Variants in RAP1A observed in about 807,000 individuals in gnomAD.
RAP1A encodes the protein RAP1A, member of RAS oncogene family, also known as ras-related protein Rap-1A.
RAP1A carries 6 observed loss-of-function variants against 26.4 expected under a neutral mutation model. The observed-to-expected ratio is 0.23, with a 90% CI of 0.12 to 0.45. The LOEUF (loss-of-function observed/expected upper bound fraction) is 0.45. Ranked by LOEUF, RAP1A falls within the 20% of genes least tolerant of loss-of-function variation. The pLI is 0.99. For synonymous variants in RAP1A, 73 were observed against 79.4 expected, an observed-to-expected ratio of 0.92 and a Z score of 0.43; for missense variants, 121 against 217.2, an observed-to-expected ratio of 0.56 and a Z score of 2.78.
intron 4 of RAP1A, among the ~76,000 whole-genome samples, chr1:111,699,938 C>T (rs1017974635): frequency 6.6e-6 from 1 of 152,198 alleles, no homozygotes; most frequent in African/African-American, 2.4e-5. Context: ...GACTTTTCAG[C>T]AGCCTTTGAC....
At chr1:111,708,782 T>C (rs896837824) in intron 6 of RAP1A, among the ~76,000 whole-genome samples, 1 of 152,228 alleles carries the variant, frequency 6.6e-6, no homozygotes, top group Non-Finnish European at 1.5e-5. Context: ...CGTGTGTGTG[T>C]ATGTATGTGT....
At chr1:111,637,708 A>G (rs569747750) in intron 1 of RAP1A, among the ~76,000 whole-genome samples, 16 of 152,204 alleles carry the variant, frequency 1.1e-4, no homozygotes, top group African/African-American at 3.9e-4. Flanking sequence ...TATTTTGTGA[A>G]TTTTCATGAT....
chr1:111,683,308 TAACTA>T (rs1308056361), intron 1 of RAP1A, among the ~76,000 whole-genome samples: 2 of 151,144 alleles, frequency 1.3e-5, no homozygotes, highest in African/African-American at 4.9e-5. Context: ...AGACAAGAAA[TAACTA>T]AGATCAGAGC....
intron 1 of RAP1A, among the ~76,000 whole-genome samples, chr1:111,568,236 G>C (rs1273459351): frequency 6.6e-6 from 1 of 152,170 alleles, no homozygotes; most frequent in Non-Finnish European, 1.5e-5. Flanking sequence ...GGCTTAATTG[G>C]TTCATGGTTC....
intron 1 of RAP1A, among the ~76,000 whole-genome samples, chr1:111,684,067 A>G (rs1278166345): frequency 6.6e-6 from 1 of 152,202 alleles, no homozygotes; most frequent in Admixed American, 6.5e-5. Context: ...AAAACACAAG[A>G]TTATCTCAAT....
intron 1 of RAP1A, among the ~76,000 whole-genome samples, chr1:111,548,738 T>G (rs1342924199): frequency 1.3e-5 from 2 of 152,182 alleles, no homozygotes; most frequent in African/African-American, 4.8e-5. Flanking sequence ...TTAAAATGAG[T>G]TATCCATTGC....
chr1:111,690,314 T>C (rs2101242376), intron 1 of RAP1A, among the ~76,000 whole-genome samples: 2 of 152,378 alleles, frequency 1.3e-5, no homozygotes, highest in South Asian at 4.1e-4. Flanking sequence ...TTGTTCCACC[T>C]GTAAATCTCT....
At chr1:111,642,786 C>CTTTTT (rs11414021) in intron 1 of RAP1A, among the ~76,000 whole-genome samples, 1 of 119,494 alleles carries the variant, frequency 8.4e-6, no homozygotes, top group Non-Finnish European at 1.7e-5. Flanking sequence ...CGTGCCCAGC[C>CTTTTT]TTTTTTTTTT....
intron 1 of RAP1A, among the ~76,000 whole-genome samples, chr1:111,669,040 A>AAG (rs1553223129): frequency 0.058 from 8,076 of 140,424 alleles, 352 homozygotes; most frequent in South Asian, 0.08. Flanking sequence ...AAAAAAAAAA[A>AAG]AAAAAAAAGA....
At chr1:111,573,651 A>G (rs1449900632) in intron 1 of RAP1A, among the ~76,000 whole-genome samples, 1 of 152,130 alleles carries the variant, frequency 6.6e-6, no homozygotes, top group Non-Finnish European at 1.5e-5. Flanking sequence ...TTTTAATAAT[A>G]GCCACTCTGA....
At chr1:111,571,651 G>A (rs1658050780) in intron 1 of RAP1A, among the ~76,000 whole-genome samples, 1 of 152,160 alleles carries the variant, frequency 6.6e-6, no homozygotes, top group Non-Finnish European at 1.5e-5. Context: ...ACATGTATCA[G>A]TTAATTCACT....
At chr1:111,594,488 G>A (rs1353892434) in intron 1 of RAP1A, among the ~76,000 whole-genome samples, 3 of 142,360 alleles carry the variant, frequency 2.1e-5, no homozygotes, top group Admixed American at 1.4e-4. Flanking sequence ...CGGAAGGAAG[G>A]AAGGAAGGAC....
chr1:111,578,320 G>A (rs1217088287), intron 1 of RAP1A, among the ~76,000 whole-genome samples: 1 of 152,014 alleles, frequency 6.6e-6, no homozygotes, highest in African/African-American at 2.4e-5. Context: ...AGGTGGTAGA[G>A]CAATAGATAA....
intron 1 of RAP1A, among the ~76,000 whole-genome samples, chr1:111,672,486 G>T (rs114210633): frequency 3.2e-4 from 48 of 152,210 alleles, no homozygotes; most frequent in African/African-American, 1.1e-3. Flanking sequence ...GATGGTTGCT[G>T]TCTGGGATCA....
intron 1 of RAP1A, among the ~76,000 whole-genome samples, chr1:111,598,121 T>C (rs1658593720): frequency 6.6e-6 from 1 of 152,232 alleles, no homozygotes; most frequent in African/African-American, 2.4e-5. Flanking sequence ...CAAGATTATA[T>C]AACTTAGGCT....
chr1:111,553,647 C>T lies in RAP1A; in HGVS notation c.-28+11138C>T, dbSNP rs145080563. ...CCTTCCTACCTACTCAGCTGAATATCTATTTCTTCTTGAAGAAGACTTTCT... is the reference window on the plus strand; with the variant it reads ...CCTTCCTACCTACTCAGCTGAATATTTATTTCTTCTTGAAGAAGACTTTCT... On this transcript the variant is annotated intron_variant, in intron 1 of 7. Transcript: ENST00000356415. Among the ~76,000 whole-genome samples, 1,007 of 152,304 alleles carry T rather than the reference C, an allele frequency of 6.6e-3. 6 individuals are homozygous for T. Among genetic ancestry groups the T allele is most frequent in the Non-Finnish European group, 0.01 (695 of 68,018 alleles).
chr1:111,690,077 T>G (rs1478871565), intron 1 of RAP1A, among the ~76,000 whole-genome samples: 2 of 151,216 alleles, frequency 1.3e-5, no homozygotes, highest in Non-Finnish European at 3.0e-5. Flanking sequence ...TTTTTCTGCT[T>G]CTTTTAAAGA....
intron 1 of RAP1A, among the ~76,000 whole-genome samples, chr1:111,592,016 G>A (rs933047741): frequency 8.5e-5 from 13 of 152,152 alleles, no homozygotes; most frequent in Non-Finnish European, 1.9e-4. Context: ...TCTGGACCTC[G>A]AGGGCTGGCT....
rs1658149855 is a variant in RAP1A at position 111,576,500 on chromosome 1, G to T, written c.-28+33991G>T. ...AAGGAAGACACTTGATTCAGCAGGG[G>T]AAAATAAAGAAAACATTCTCTGTAG... On this transcript the variant is annotated intron_variant, in intron 1 of 7. Coordinates refer to the RAP1A transcript ENST00000356415. Among the ~76,000 whole-genome samples the T allele has an allele frequency of 2.0e-5, 3 of 152,312 alleles. No individual in the cohort carries two copies. In the South Asian group the frequency reaches 6.2e-4, roughly 32 times the overall value.
Sources: gnomAD v4.1 joint callset for allele counts (sites outside exome capture counted in the v4.1 genomes callset) on GRCh38, gnomAD v4.1.1 for gene constraint, MANE v1.5 for transcripts, NCBI Gene and HGNC (gene_info 2026-07-23, HGNC 2026-07-21) for gene names.